The following FANCI variants were observed in gnomAD, a reference collection of about 807,000 sequenced individuals.
The protein encoded by FANCI is Fanconi anemia group I protein.
In FANCI, 156 loss-of-function variants were observed where a neutral mutation model predicts 176.1. The observed-to-expected ratio is 0.89, with a 90% CI of 0.78 to 1.01. The LOEUF (loss-of-function observed/expected upper bound fraction) is 1.01, where lower values mean the gene tolerates loss of function less well. Ranked by LOEUF, FANCI falls within the 50% of genes least tolerant of loss-of-function variation. The pLI is 0.00. For synonymous variants in FANCI, 613 were observed against 541.7 expected (o/e 1.13, Z -1.83); for missense variants, 1,678 against 1,534.1 (o/e 1.09, Z -1.57).
At chr15:89,255,420 T>C (rs543501643) in intron 2 of FANCI, among the ~76,000 whole-genome samples, 1 of 152,240 alleles carries the variant, frequency 6.6e-6, no homozygotes, top group South Asian at 2.1e-4. Flanking sequence ...GAGCAAGATA[T>C]TTGCATGATC....
chr15:89,299,956 C>T lies in FANCI; in HGVS notation c.2793C>T (p.Leu931=), dbSNP rs2054465829. 5 of 1,613,852 alleles carry T rather than the reference C, an allele frequency of 3.1e-6. No individual in the cohort carries two copies. Among genetic ancestry groups the T allele is most frequent in the Non-Finnish European group, 4.2e-6 (5 of 1,179,946 alleles). Residue 931 remains leucine, a synonymous_variant, in exon 25 of 38, where the codon CTC becomes CTT. Transcript: ENST00000310775. ...ATCAGCCCAAGATTCAGCAGTTTCT[C>T]AGAGCTCTGGGTAAGCATTGCAGTA... is the stretch of plus-strand genomic sequence containing the variant. The part of the protein sequence containing the change: ...QFYQPKIQQF[L]RALDVTDKEG...
At chr15:89,314,780 A>G in intron 36 of FANCI, 73 bp downstream of exon 36, 1 of 1,089,348 alleles carries the variant, frequency 9.2e-7, no homozygotes, top group Non-Finnish European at 1.4e-6. Context: ...GAAGCAGCAC[A>G]ACTACAATGG....
At chr15:89,316,263 T>C in intron 37 of FANCI, 134 bp from the exon 38 acceptor site, 4 of 888,826 alleles carry the variant, frequency 4.5e-6, no homozygotes, top group Non-Finnish European at 7.3e-6. Context: ...TTACCTCCTG[T>C]GAGTGGGAAA....
chr15:89,285,257 A>G (rs1341164837), intron 18 of FANCI, 39 bp downstream of exon 18: 1 of 1,610,978 alleles, frequency 6.2e-7, no homozygotes, highest in Non-Finnish European at 8.5e-7. Context: ...CAAAACCCCA[A>G]CTAATAATTT....
chr15:89,246,942 G>T (rs561858186), intron 1 of FANCI, among the ~76,000 whole-genome samples: 1 of 150,836 alleles, frequency 6.6e-6, no homozygotes, highest in African/African-American at 2.4e-5. Context: ...ATTTTTTTTT[G>T]TATTTTTGGT....
chr15:89,260,728 A>C lies in FANCI; in HGVS notation c.173A>C (p.Glu58Ala). Residue 58 changes from glutamate (E) to alanine (A), a missense_variant, in exon 4 of 38, where the codon GAG (glutamate) becomes GCG (alanine). Physicochemically the swap from Glu to Ala is moderately radical, Grantham distance 107. Coordinates refer to ENST00000310775, the MANE Select transcript of FANCI (RefSeq NM_001113378.2). Reference protein sequence around the residue: ...RAIFKGSPCSEEAGTLRRRKI... With the variant: ...RAIFKGSPCSAEAGTLRRRKI... Reference sequence around the variant, plus strand: ...AAACAATAAGGTTCCCCCTGCTCTGAGGAAGCTGGAACACTTAGGAGACGT... The same window carrying C: ...AAACAATAAGGTTCCCCCTGCTCTGCGGAAGCTGGAACACTTAGGAGACGT... The C allele has an allele frequency of 6.2e-7, 1 of 1,613,842 alleles. No individual in the cohort carries two copies. Among genetic ancestry groups the C allele is most frequent in the Non-Finnish European group, 8.5e-7 (1 of 1,179,854 alleles).
chr15:89,284,103 C>A (rs1419084693), intron 17 of FANCI, among the ~76,000 whole-genome samples: 2 of 152,056 alleles, frequency 1.3e-5, no homozygotes, highest in Non-Finnish European at 2.9e-5. Flanking sequence ...AGATATTGTG[C>A]CAAAATGCTT....
At chr15:89,269,710 C>T (rs1335968526) in intron 10 of FANCI, among the ~76,000 whole-genome samples, 1 of 152,164 alleles carries the variant, frequency 6.6e-6, no homozygotes, top group African/African-American at 2.4e-5. Context: ...AGAAGGCAGC[C>T]ATAGACAAAA....
intron 27 of FANCI, 96 bp from the exon 28 acceptor site, chr15:89,303,768 G>T (rs1369191420): frequency 6.8e-6 from 7 of 1,031,336 alleles, no homozygotes; most frequent in Non-Finnish European, 1.1e-5. Context: ...CAGCTGATTT[G>T]CTTAGATATG....
intron 18 of FANCI, among the ~76,000 whole-genome samples, chr15:89,286,342 TC>T (rs1265266349): frequency 3.3e-5 from 5 of 152,194 alleles, no homozygotes; most frequent in Non-Finnish European, 7.3e-5. Flanking sequence ...CACTGGGTTT[TC>T]AACAGTTTAC....
rs538283826 is a variant in FANCI at position 89,260,846 on chromosome 15, A to G, written c.288+3A>G. The G allele has an allele frequency of 3.2e-5, 51 of 1,613,448 alleles. No individual in the cohort carries two copies. In the Admixed American group the frequency reaches 8.2e-4, roughly 26 times the overall value. ...TCATAGGATTACTGATGCTGGAGGT[A>G]AGATGGCAAACAAAAACTTTTATTT... On this transcript the variant is annotated splice_donor_region_variant and intron_variant, in intron 4 of 37. Coordinates refer to ENST00000310775, the MANE Select transcript of FANCI (RefSeq NM_001113378.2).
At chr15:89,296,510 G>A (rs1243377802) in intron 24 of FANCI, among the ~76,000 whole-genome samples, 2 of 152,022 alleles carry the variant, frequency 1.3e-5, no homozygotes, top group Non-Finnish European at 2.9e-5. Context: ...CGGGGTTGCG[G>A]GTAAGGTCAC....
chr15:89,247,986 G>C (rs1022063298), intron 2 of FANCI, among the ~76,000 whole-genome samples: 1 of 152,152 alleles, frequency 6.6e-6, no homozygotes, highest in East Asian at 1.9e-4. Context: ...TTTTACAACT[G>C]TATTTATAAA....
At chr15:89,290,160 G>A in intron 18 of FANCI, 53 bp from the exon 19 acceptor site, 6 of 1,346,782 alleles carry the variant, frequency 4.5e-6, no homozygotes, top group Admixed American at 1.7e-5. Context: ...TGATTGTCCA[G>A]ATCACTAGTA....
At chr15:89,249,154 A>C (rs2052121318) in intron 2 of FANCI, among the ~76,000 whole-genome samples, 1 of 152,192 alleles carries the variant, frequency 6.6e-6, no homozygotes, top group African/African-American at 2.4e-5. Context: ...TTTGTTAAGC[A>C]TGTCAGTAAT....
In FANCI at chr15:89,282,532, C is replaced by T. The variant is rs2053654069; in HGVS notation, c.1584-604C>T. The T allele has an allele frequency of 3.7e-5, 6 of 164,164 alleles. No homozygotes were observed. The South Asian group carries it at 9.2e-4, about 25-fold the overall frequency. The allele number at this position is 164,164 out of a possible 1,614,324, so 10.2% of individuals were successfully genotyped here. A position where few individuals can be genotyped will look rare whatever the true frequency, so the allele number is the denominator to read the frequency against. On this transcript the variant is annotated intron_variant, in intron 16 of 37. Coordinates refer to ENST00000310775, the MANE Select transcript of FANCI (RefSeq NM_001113378.2). ...GATGCCCAATTAATATCACATTGGC[C>T]ATATTATAATATATTCATGGGTGTC...
chr15:89,287,487 A>C (rs1289062494), intron 18 of FANCI, among the ~76,000 whole-genome samples: 3 of 151,784 alleles, frequency 2.0e-5, no homozygotes, highest in Non-Finnish European at 4.4e-5. Flanking sequence ...TCACATCAGC[A>C]ATAAGGCTGT....
intron 2 of FANCI, among the ~76,000 whole-genome samples, chr15:89,257,176 G>C (rs1192431542): frequency 6.6e-6 from 1 of 152,154 alleles, no homozygotes; most frequent in African/African-American, 2.4e-5. Context: ...AAAGTGCTGG[G>C]ATTACAGGCA....
intron 27 of FANCI, among the ~76,000 whole-genome samples, chr15:89,303,626 C>G (rs1309963362): frequency 6.6e-6 from 1 of 152,180 alleles, no homozygotes; most frequent in Non-Finnish European, 1.5e-5. Context: ...GACCCTAAAA[C>G]TTTTGGACCT....
Sources: gnomAD v4.1 joint callset for allele counts (sites outside exome capture counted in the v4.1 genomes callset) on GRCh38, gnomAD v4.1.1 for gene constraint, MANE v1.5 for transcripts, NCBI Gene and HGNC (gene_info 2026-07-23, HGNC 2026-07-21) for gene names.